The following PLXDC2 variants were observed in gnomAD, a reference collection of about 807,000 sequenced individuals.
The protein encoded by PLXDC2 is plexin domain-containing protein 2.
PLXDC2 carries 40 observed loss-of-function variants against 68.9 expected under a neutral mutation model. The observed-to-expected ratio is 0.58, with a 90% CI of 0.45 to 0.76. The LOEUF (loss-of-function observed/expected upper bound fraction) is 0.76, where lower values mean the gene tolerates loss of function less well. Among genes scored for constraint, PLXDC2 ranks in the 30% least tolerant of loss-of-function variants. The probability of loss-of-function intolerance (pLI) is 0.00; values close to 1 mark genes in which losing one functional copy is unlikely to be tolerated. For missense variants in PLXDC2, 644 were observed against 661.9 expected (o/e 0.97, Z 0.30); for synonymous variants, 243 against 234.2 (o/e 1.04, Z -0.34).
intron 4 of PLXDC2, among the ~76,000 whole-genome samples, chr10:20,101,547 A>T (rs541018997): frequency 6.6e-6 from 1 of 152,300 alleles, no homozygotes; most frequent in African/African-American, 2.4e-5. Flanking sequence ...CTACTAAAAA[A>T]TGTCTTTGAT....
chr10:20,062,987 T>G (rs1368067411), intron 3 of PLXDC2, among the ~76,000 whole-genome samples: 1 of 152,138 alleles, frequency 6.6e-6, no homozygotes, highest in Non-Finnish European at 1.5e-5. Context: ...TTATTTGATC[T>G]TATATTTGAA....
At chr10:20,014,831 GA>G (rs1304019839) in intron 2 of PLXDC2, among the ~76,000 whole-genome samples, 3 of 151,952 alleles carry the variant, frequency 2.0e-5, no homozygotes, top group Admixed American at 1.3e-4. Flanking sequence ...AATCACAAAA[GA>G]AAAAACTCTA....
At chr10:20,119,481 A>G (rs1833666358) in intron 4 of PLXDC2, among the ~76,000 whole-genome samples, 1 of 151,332 alleles carries the variant, frequency 6.6e-6, no homozygotes, top group African/African-American at 2.4e-5. Flanking sequence ...TAAGGCAGGA[A>G]CAGGCCATTT....
intron 4 of PLXDC2, among the ~76,000 whole-genome samples, chr10:20,073,064 G>T (rs939072478): frequency 4.6e-5 from 7 of 152,132 alleles, no homozygotes; most frequent in Non-Finnish European, 7.4e-5. Flanking sequence ...AATAGACCTG[G>T]GCTGGGAGTT....
intron 1 of PLXDC2, among the ~76,000 whole-genome samples, chr10:19,904,467 C>T (rs1156679484): frequency 1.3e-5 from 2 of 152,130 alleles, no homozygotes; most frequent in African/African-American, 4.8e-5. Context: ...GTCTCACTCC[C>T]ACCATGCCCC....
chr10:19,943,197 A>G (rs888949524), intron 1 of PLXDC2, among the ~76,000 whole-genome samples: 4 of 152,222 alleles, frequency 2.6e-5, no homozygotes, highest in African/African-American at 9.6e-5. Flanking sequence ...CGATTATTGA[A>G]TAATCCAGAT....
chr10:20,253,485 C>G (rs769323113), intron 13 of PLXDC2, among the ~76,000 whole-genome samples: 2 of 151,942 alleles, frequency 1.3e-5, no homozygotes, highest in African/African-American at 2.4e-5. Context: ...ATAATAAAAT[C>G]TGGACATAAA....
intron 3 of PLXDC2, among the ~76,000 whole-genome samples, chr10:20,067,805 C>A (rs1836238072): frequency 6.6e-6 from 1 of 152,014 alleles, no homozygotes; most frequent in Non-Finnish European, 1.5e-5. Context: ...AATAATGTAA[C>A]ATAAAATCTA....
chr10:20,226,943 A>AG (rs1206530657), intron 12 of PLXDC2, among the ~76,000 whole-genome samples: 2 of 151,618 alleles, frequency 1.3e-5, no homozygotes, highest in Non-Finnish European at 2.9e-5. Flanking sequence ...GAGATATATG[A>AG]GGGGCCCCAG....
chr10:20,091,353 C>A (rs1833273717), intron 4 of PLXDC2, among the ~76,000 whole-genome samples: 1 of 152,228 alleles, frequency 6.6e-6, no homozygotes, highest in Admixed American at 6.5e-5. Context: ...TCGTATCCAA[C>A]AATGACCAAG....
chr10:19,887,451 G>T (rs572184110), intron 1 of PLXDC2, among the ~76,000 whole-genome samples: 1 of 152,248 alleles, frequency 6.6e-6, no homozygotes, highest in Admixed American at 6.6e-5. Context: ...GAACCCAGGA[G>T]GCAGAGGTTG....
At chr10:19,827,956 C>T (rs1049908256) in intron 1 of PLXDC2, among the ~76,000 whole-genome samples, 4 of 152,106 alleles carry the variant, frequency 2.6e-5, no homozygotes, top group Non-Finnish European at 5.9e-5. Context: ...CTTATCACAT[C>T]ATCAGACTAA....
intron 13 of PLXDC2, among the ~76,000 whole-genome samples, chr10:20,270,715 T>C (rs1835927212): frequency 6.6e-6 from 1 of 152,028 alleles, no homozygotes; most frequent in Non-Finnish European, 1.5e-5. Context: ...CTGCTAATTT[T>C]TGTATTTTTA....
chr10:20,076,873 TG>T (rs1185950881), intron 4 of PLXDC2, among the ~76,000 whole-genome samples: 1 of 152,170 alleles, frequency 6.6e-6, no homozygotes, highest in Non-Finnish European at 1.5e-5. Context: ...TGTCCCATGA[TG>T]ACATTTTGGG....
chr10:20,238,720 C>CACATATATATGTATATATATATAT (rs1835474353), intron 12 of PLXDC2, among the ~76,000 whole-genome samples: 2 of 53,188 alleles, frequency 3.8e-5, no homozygotes, highest in African/African-American at 1.1e-4. Flanking sequence ...TATATATACA[C>CACATATATATGTATATATATATAT]ATATACATAC....
intron 4 of PLXDC2, among the ~76,000 whole-genome samples, chr10:20,127,195 C>G (rs1456162702): frequency 6.6e-6 from 1 of 151,950 alleles, no homozygotes; most frequent in African/African-American, 2.4e-5. Context: ...GAGCTTTTTT[C>G]CTTCCTAAAT....
intron 1 of PLXDC2, among the ~76,000 whole-genome samples, chr10:19,889,216 A>G (rs1053676008): frequency 2.0e-5 from 3 of 151,940 alleles, no homozygotes; most frequent in South Asian, 2.1e-4. Context: ...TTATATATAT[A>G]TATAAAATTA....
At chr10:20,101,647 G>A (rs1015886521) in intron 4 of PLXDC2, among the ~76,000 whole-genome samples, 13 of 152,016 alleles carry the variant, frequency 8.6e-5, no homozygotes, top group South Asian at 2.1e-4. Context: ...TCAGTAGTGC[G>A]CCCACACCTT....
intron 13 of PLXDC2, among the ~76,000 whole-genome samples, chr10:20,265,199 A>C (rs1457404415): frequency 6.6e-6 from 1 of 152,186 alleles, no homozygotes; most frequent in African/African-American, 2.4e-5. Flanking sequence ...ATGTGGAGGA[A>C]CTCTGCCAAT....
Sources: allele counts gnomAD v4.1 joint callset (sites outside exome capture counted in the v4.1 genomes callset), GRCh38; gene constraint gnomAD v4.1.1; transcripts MANE v1.5; gene names NCBI Gene and HGNC (gene_info 2026-07-23, HGNC 2026-07-21).